Variants in VEPH1 observed in about 807,000 individuals in gnomAD.
The protein encoded by VEPH1 is ventricular zone-expressed PH domain-containing protein homolog 1.
VEPH1 carries 80 observed loss-of-function variants against 85.2 expected under a neutral mutation model. That is an observed-to-expected ratio of 0.94 (90% CI 0.78 to 1.13). The LOEUF is 1.13. Ranked by LOEUF, VEPH1 falls within the 50% of genes most tolerant of loss-of-function variation. The probability of loss-of-function intolerance (pLI) is 0.00; values close to 1 mark genes in which losing one functional copy is unlikely to be tolerated. For synonymous variants in VEPH1, 297 were observed against 348.0 expected (o/e 0.85, Z 1.63); for missense variants, 955 against 980.5 (o/e 0.97, Z 0.35).
intron 11 of VEPH1, among the ~76,000 whole-genome samples, chr3:157,308,044 A>G (rs1186294875): frequency 6.6e-6 from 1 of 151,788 alleles, no homozygotes; most frequent in East Asian, 1.9e-4. Flanking sequence ...TGTTGATCTT[A>G]TATCAAATAA....
chr3:157,425,546 G>T (rs1732696532), intron 5 of VEPH1, among the ~76,000 whole-genome samples: 1 of 152,198 alleles, frequency 6.6e-6, no homozygotes. Flanking sequence ...TGCCCTCCTG[G>T]ATTTCAGACT....
chr3:157,347,124 G>C (rs981779523), intron 9 of VEPH1, among the ~76,000 whole-genome samples: 3 of 151,950 alleles, frequency 2.0e-5, no homozygotes, highest in Non-Finnish European at 4.4e-5. Flanking sequence ...GGAATACAAA[G>C]GATATCTATA....
At chr3:157,480,744 T>C (rs953578519) in intron 2 of VEPH1, among the ~76,000 whole-genome samples, 2 of 152,158 alleles carry the variant, frequency 1.3e-5, no homozygotes, top group Non-Finnish European at 2.9e-5. Context: ...TTGTGAATAG[T>C]GCTGCAATGA....
At chr3:157,280,831 A>C (rs1716005866) in intron 12 of VEPH1, among the ~76,000 whole-genome samples, 2 of 152,180 alleles carry the variant, frequency 1.3e-5, no homozygotes, top group Admixed American at 6.5e-5. Context: ...TCTATCACTT[A>C]AGTGATTAAT....
intron 4 of VEPH1, chr3:157,459,668 C>A: frequency 7.4e-7 from 1 of 1,342,974 alleles, no homozygotes; most frequent in African/African-American, 1.5e-5. Context: ...AATGTTGTAA[C>A]AATTAACAGA....
chr3:157,319,216 G>C (rs1577330244), intron 9 of VEPH1, among the ~76,000 whole-genome samples: 1 of 152,240 alleles, frequency 6.6e-6, no homozygotes, highest in South Asian at 2.1e-4. Flanking sequence ...TTTTTGTGAA[G>C]GTAATTGTTT....
chr3:157,502,036 A>G (rs1366052961), intron 1 of VEPH1, among the ~76,000 whole-genome samples: 4 of 152,328 alleles, frequency 2.6e-5, no homozygotes, highest in African/African-American at 9.6e-5. Context: ...AATTGGCTGC[A>G]TACATTTCAG....
At chr3:157,275,592 A>AAAT (rs1715282386) in intron 12 of VEPH1, among the ~76,000 whole-genome samples, 2 of 151,796 alleles carry the variant, frequency 1.3e-5, no homozygotes, top group South Asian at 4.2e-4. Context: ...ACCAACAAAA[A>AAAT]ATATATATAT....
intron 9 of VEPH1, among the ~76,000 whole-genome samples, chr3:157,319,383 A>G (rs1721132739): frequency 1.3e-5 from 2 of 152,218 alleles, no homozygotes; most frequent in South Asian, 4.1e-4. Context: ...AAGACCTGGG[A>G]GAATAGAATG....
intron 4 of VEPH1, among the ~76,000 whole-genome samples, chr3:157,449,647 G>A (rs940197898): frequency 2.6e-5 from 4 of 151,978 alleles, no homozygotes; most frequent in African/African-American, 9.7e-5. Context: ...TTCTCCTTCT[G>A]TGAAACTGTC....
intron 11 of VEPH1, among the ~76,000 whole-genome samples, chr3:157,290,014 A>G (rs1323399767): frequency 2.0e-5 from 3 of 150,108 alleles, no homozygotes; most frequent in Non-Finnish European, 1.5e-5. Context: ...TAGGATATCA[A>G]TTCCGTTGTT....
chr3:157,321,476 A>T (rs1284023352), intron 9 of VEPH1, among the ~76,000 whole-genome samples: 1 of 152,184 alleles, frequency 6.6e-6, no homozygotes, highest in East Asian at 1.9e-4. Context: ...TTTCATCTTT[A>T]TGAAGCAGGC....
chr3:157,402,401 G>A (rs1730848666), intron 6 of VEPH1, among the ~76,000 whole-genome samples: 1 of 152,154 alleles, frequency 6.6e-6, no homozygotes, highest in Admixed American at 6.6e-5. Context: ...AGCCCTTATT[G>A]TGGGAGAATG....
intron 4 of VEPH1, among the ~76,000 whole-genome samples, chr3:157,455,711 A>G (rs988776870): frequency 2.0e-5 from 3 of 152,154 alleles, no homozygotes; most frequent in African/African-American, 7.2e-5. Context: ...CTTGCTAAGG[A>G]TAATAGCCTC....
intron 11 of VEPH1, among the ~76,000 whole-genome samples, chr3:157,312,396 A>AT (rs1455860914): frequency 2.0e-5 from 3 of 152,326 alleles, no homozygotes; most frequent in African/African-American, 7.2e-5. Flanking sequence ...GTCTTCTGCC[A>AT]TGACAGTAAG....
chr3:157,452,234 G>A (rs1735031782), intron 4 of VEPH1, among the ~76,000 whole-genome samples: 1 of 152,138 alleles, frequency 6.6e-6, no homozygotes, highest in Admixed American at 6.6e-5. Context: ...TCTTGCAAAT[G>A]GATGCAGAAA....
chr3:157,268,585 T>G (rs968834006), intron 12 of VEPH1, among the ~76,000 whole-genome samples: 5 of 152,208 alleles, frequency 3.3e-5, no homozygotes, highest in African/African-American at 1.2e-4. Context: ...AAATTACAAT[T>G]TTCTAATCAG....
rs529637189 is a variant in VEPH1 at position 157,445,662 on chromosome 3, G to A, written c.529+14519C>T. ...AAATTAGCTGGGTGTAGTGGCGTGC[G>A]CCTGTAATCCCAGCTACTCAGGAGG... On this transcript the variant is annotated intron_variant, in intron 4 of 13. Coordinates refer to ENST00000362010, the MANE Select transcript of VEPH1 (RefSeq NM_001167912.2). Among the ~76,000 whole-genome samples, 548 of 150,780 alleles carry A rather than the reference G, an allele frequency of 3.6e-3. 4 individuals are homozygous for A. Among genetic ancestry groups the A allele is most frequent in the African/African-American group, 0.013 (516 of 40,572 alleles).
At chr3:157,452,464 A>G (rs1402784468) in intron 4 of VEPH1, among the ~76,000 whole-genome samples, 3 of 152,240 alleles carry the variant, frequency 2.0e-5, no homozygotes, top group African/African-American at 7.2e-5. Context: ...CTCTAATTCA[A>G]CAAAAGGAAG....
Sources: gnomAD v4.1 joint callset for allele counts (sites outside exome capture counted in the v4.1 genomes callset) on GRCh38, gnomAD v4.1.1 for gene constraint, MANE v1.5 for transcripts, NCBI Gene and HGNC (gene_info 2026-07-23, HGNC 2026-07-21) for gene names.